HSD11B1: variants seen among roughly 807,000 people sequenced by gnomAD.
HSD11B1 encodes 11-beta-hydroxysteroid dehydrogenase 1.
HSD11B1 carries 15 observed loss-of-function variants against 22.1 expected under a neutral mutation model. The observed-to-expected ratio is 0.68, with a 90% confidence interval of 0.45 to 1.04. The LOEUF is 1.04. Ranked by LOEUF, HSD11B1 falls within the 50% of genes least tolerant of loss-of-function variation. The pLI, the probability that HSD11B1 is intolerant of heterozygous loss-of-function variation, is 0.00. For synonymous variants in HSD11B1, 122 were observed against 125.2 expected (o/e 0.97, Z 0.17); for missense variants, 281 against 357.6 (o/e 0.79, Z 1.73).
intron 4 of HSD11B1, among the ~76,000 whole-genome samples, chr1:209,717,102 A>G (rs2076934954): frequency 6.6e-6 from 1 of 152,240 alleles, no homozygotes; most frequent in South Asian, 2.1e-4. Flanking sequence ...AACAATCAAC[A>G]GAGTGAAAAG....
At chr1:209,722,943 T>G (rs1423867153) in intron 4 of HSD11B1, among the ~76,000 whole-genome samples, 1 of 152,196 alleles carries the variant, frequency 6.6e-6, no homozygotes, top group African/African-American at 2.4e-5. Context: ...AACGAAAGCA[T>G]GTAGGCCTCC....
chr1:209,694,758 T>C (rs927401179), intron 1 of HSD11B1, among the ~76,000 whole-genome samples: 7 of 152,256 alleles, frequency 4.6e-5, no homozygotes, highest in African/African-American at 1.7e-4. Context: ...TTTTGTTTCA[T>C]ACTTATGCTT....
At chr1:209,731,659 G>A (rs2077036433) in intron 4 of HSD11B1, among the ~76,000 whole-genome samples, 1 of 152,154 alleles carries the variant, frequency 6.6e-6, no homozygotes, top group South Asian at 2.1e-4. Flanking sequence ...GAATTAACCA[G>A]TCTGGTGAAC....
intron 1 of HSD11B1, among the ~76,000 whole-genome samples, chr1:209,690,954 A>T (rs935736388): frequency 3.3e-5 from 5 of 152,234 alleles, no homozygotes; most frequent in Admixed American, 1.3e-4. Context: ...TTGAATTTCC[A>T]TATTCAGTGG....
In HSD11B1 at chr1:209,734,774, A is replaced by G. The variant is rs2077057120; in HGVS notation, c.*253A>G. On this transcript the variant is annotated 3_prime_UTR_variant, in exon 6 of 6. Coordinates refer to ENST00000367027, the MANE Select transcript of HSD11B1 (RefSeq NM_005525.4). ...ACATAGGTATAATTACCAGATAGTT[A>G]TATTAAATTTATATCTTATATATAA... 2 of 297,012 alleles carry G rather than the reference A, an allele frequency of 6.7e-6. No individual in the cohort carries two copies. Among genetic ancestry groups the G allele is most frequent in the South Asian group, 9.0e-5 (2 of 22,152 alleles). 18.4% of individuals were successfully genotyped at this position (297,012 alleles called of 1,614,324 possible). A position where few individuals can be genotyped will look rare whatever the true frequency, so the allele number is the denominator to read the frequency against.
At chr1:209,716,906 T>C (rs558747982) in intron 4 of HSD11B1, among the ~76,000 whole-genome samples, 4 of 152,258 alleles carry the variant, frequency 2.6e-5, no homozygotes, top group Admixed American at 2.6e-4. Context: ...CAAAAATTGA[T>C]GCCCAACAGA....
At chr1:209,718,001 A>G (rs1267402251) in intron 4 of HSD11B1, among the ~76,000 whole-genome samples, 3 of 152,216 alleles carry the variant, frequency 2.0e-5, no homozygotes, top group Non-Finnish European at 4.4e-5. Flanking sequence ...CAGAAAAACA[A>G]ACACTGCATG....
intron 1 of HSD11B1, among the ~76,000 whole-genome samples, chr1:209,688,148 A>G (rs2076739064): frequency 6.6e-6 from 1 of 152,148 alleles, no homozygotes; most frequent in Non-Finnish European, 1.5e-5. Context: ...CCTCCCCAAC[A>G]CAGACCCTTG....
chr1:209,708,148 A>G (rs547613251), intron 4 of HSD11B1, among the ~76,000 whole-genome samples: 46 of 152,320 alleles, frequency 3.0e-4, no homozygotes, highest in African/African-American at 1.1e-3. Flanking sequence ...GTGAGTTCCC[A>G]GCTTGGGACA....
upstream of HSD11B1, among the ~76,000 whole-genome samples, chr1:209,702,345 T>C (rs1303611387): frequency 6.6e-6 from 1 of 152,170 alleles, no homozygotes; most frequent in Non-Finnish European, 1.5e-5. Context: ...GTTTATTGAA[T>C]GCCTATTTTG....
At chr1:209,714,998 A>G (rs1558194026) in intron 4 of HSD11B1, among the ~76,000 whole-genome samples, 1 of 152,214 alleles carries the variant, frequency 6.6e-6, no homozygotes, top group Non-Finnish European at 1.5e-5. Context: ...AGCATCTGCA[A>G]GAGGGCCTGC....
At chr1:209,698,159 T>C (rs1182155310) in intron 1 of HSD11B1, among the ~76,000 whole-genome samples, 3 of 130,228 alleles carry the variant, frequency 2.3e-5, no homozygotes, top group African/African-American at 5.8e-5. Context: ...GTAGATAAGA[T>C]AGATAGATTA....
intron 1 of HSD11B1, among the ~76,000 whole-genome samples, chr1:209,698,447 T>C (rs1203099671): frequency 1.3e-5 from 2 of 152,202 alleles, no homozygotes; most frequent in African/African-American, 4.8e-5. Flanking sequence ...GGTGTCACCC[T>C]AGCGTGCTTC....
chr1:209,716,779 A>G (rs1270260808), intron 4 of HSD11B1, among the ~76,000 whole-genome samples: 1 of 152,228 alleles, frequency 6.6e-6, no homozygotes, highest in Admixed American at 6.5e-5. Context: ...GTGATTTTCA[A>G]CAAAGGCACC....
chr1:209,706,833 C>T lies in HSD11B1; in HGVS notation c.331+13C>T. On this transcript the variant is annotated intron_variant, in intron 3 of 5. Coordinates refer to ENST00000367027, the MANE Select transcript of HSD11B1 (RefSeq NM_005525.4). This position sits in a 1 kb window ranked among gnomAD's most constrained non-coding sequence, Gnocchi z 4.0. ...GGAAAGCTCATGGGTGAGGCTGTTT[C>T]TCTTACCTCCTCCTCTGAACTTTGC... The T allele has an allele frequency of 6.2e-7, 1 of 1,611,182 alleles. No individual in the cohort carries two copies. Among genetic ancestry groups the T allele is most frequent in the Non-Finnish European group, 8.5e-7 (1 of 1,177,442 alleles).
intron 4 of HSD11B1, among the ~76,000 whole-genome samples, chr1:209,711,882 T>G (rs533725520): frequency 6.6e-6 from 1 of 152,230 alleles, no homozygotes; most frequent in East Asian, 1.9e-4. Flanking sequence ...GGAAGACTCT[T>G]TGATGAAGAC....
In HSD11B1 at chr1:209,707,072, C is replaced by T. The variant is rs774493277; in HGVS notation, c.461C>T (p.Ala154Val). ...AGTTACGTGGTCCTGACTGTAGCTG[C>T]CTTGCCCATGCTGAAGCAGAGCAAT... ...FLSYVVLTVA[A>V]LPMLKQSNGS... The change falls in exon 4 of 6, where the codon GCC becomes GTC. Residue 154 changes from alanine (A) to valine (V), a missense_variant. Physicochemically the swap from Ala to Val is moderately conservative, Grantham distance 64. Transcript: ENST00000367027. 10 of 1,613,948 alleles carry T rather than the reference C, an allele frequency of 6.2e-6. No homozygotes were observed. Among genetic ancestry groups the T allele is most frequent in the Non-Finnish European group, 8.5e-6 (10 of 1,179,984 alleles).
At chr1:209,728,497 G>A (rs1350660881) in intron 4 of HSD11B1, among the ~76,000 whole-genome samples, 1 of 152,106 alleles carries the variant, frequency 6.6e-6, no homozygotes, top group Admixed American at 6.6e-5. Context: ...ATTCACACCT[G>A]GGTCATCTGA....
At chr1:209,720,940 G>A (rs1024937386) in intron 4 of HSD11B1, among the ~76,000 whole-genome samples, 1 of 152,296 alleles carries the variant, frequency 6.6e-6, no homozygotes, top group Non-Finnish European at 1.5e-5. Flanking sequence ...GATCATCCTG[G>A]ATTAGCCAAG....
Sources: gnomAD v4.1 joint callset for allele counts (sites outside exome capture counted in the v4.1 genomes callset) on GRCh38, gnomAD v4.1.1 for gene constraint, Gnocchi (gnomAD v3.1) non-coding constraint, MANE v1.5 for transcripts, NCBI Gene and HGNC (gene_info 2026-07-23, HGNC 2026-07-21) for gene names.